Variants in MTR observed in about 807,000 individuals in gnomAD.
MTR encodes methionine synthase.
Under a neutral mutation model 154.8 loss-of-function variants are expected in MTR, and 84 were observed. The observed-to-expected ratio is 0.54, with a 90% confidence interval of 0.45 to 0.65. The LOEUF (loss-of-function observed/expected upper bound fraction) is 0.65, where lower values mean the gene tolerates loss of function less well. Ranked by LOEUF, MTR falls within the 30% of genes least tolerant of loss-of-function variation. MTR has a pLI of 0.00. For missense variants in MTR, 1,275 were observed against 1,570.2 expected, an observed-to-expected ratio of 0.81 and a Z score of 3.18; for synonymous variants, 554 against 553.9, an observed-to-expected ratio of 1.00 and a Z score of 0.00.
At chr1:236,856,612 A>G (rs1028929261) in intron 18 of MTR, among the ~76,000 whole-genome samples, 4 of 151,470 alleles carry the variant, frequency 2.6e-5, no homozygotes, top group African/African-American at 4.9e-5. Flanking sequence ...TACACATGCT[A>G]TGGTGGTTTG....
Position 236,816,429 on chromosome 1 carries a change from T to G in MTR, c.670-20T>G, listed in dbSNP as rs187410696. 15 of 1,604,632 alleles carry G rather than the reference T, an allele frequency of 9.3e-6. No individual in the cohort carries two copies. In the African/African-American group the frequency reaches 9.4e-5, roughly 10 times the overall value. On this transcript the variant is annotated intron_variant, in intron 7 of 32. Transcript: ENST00000366577. ...TAACTTGAGTCTGTATTGTTGACTT[T>G]GTTTACTTTGTCAATTCAGATTTCA...
chr1:236,862,894 T>C (rs1664625124), intron 21 of MTR, among the ~76,000 whole-genome samples: 1 of 152,218 alleles, frequency 6.6e-6, no homozygotes, highest in Non-Finnish European at 1.5e-5. Context: ...TCTGAATTTT[T>C]AAATTGATCT....
chr1:236,832,793 C>T (rs1253251648), intron 13 of MTR, among the ~76,000 whole-genome samples: 3 of 152,184 alleles, frequency 2.0e-5, no homozygotes, highest in Admixed American at 2.0e-4. Context: ...ATTTAGTTTT[C>T]ATAACAAGGA....
intron 22 of MTR, among the ~76,000 whole-genome samples, chr1:236,868,391 G>A (rs551389098): frequency 1.2e-4 from 18 of 152,128 alleles, no homozygotes; most frequent in African/African-American, 3.6e-4. Context: ...ACTTTTATAT[G>A]CATTGAGAAA....
At chr1:236,811,608 C>G (rs1363502830) in intron 5 of MTR, 1 of 456,128 alleles carries the variant, frequency 2.2e-6, no homozygotes, top group East Asian at 7.0e-5. Context: ...GTTGTTCATA[C>G]CAGGCTTATG....
intron 31 of MTR, among the ~76,000 whole-genome samples, chr1:236,896,538 G>C (rs1572351552): frequency 6.6e-6 from 1 of 152,358 alleles, no homozygotes; most frequent in East Asian, 1.9e-4. Context: ...TGAGCTCTCA[G>C]ATCCCAAGGA....
intron 29 of MTR, 126 bp downstream of exon 29, chr1:236,891,455 A>C (rs1221681045): frequency 4.9e-6 from 5 of 1,024,550 alleles, no homozygotes; most frequent in Non-Finnish European, 5.9e-6. Context: ...CATGCCCAAG[A>C]AGTGACCAGT....
rs772704714 is a variant in MTR, at chr1:236,880,855, A to G, written c.2676+19A>G. On this transcript the variant is annotated intron_variant, in intron 25 of 32. Coordinates refer to ENST00000366577, the MANE Select transcript of MTR (RefSeq NM_000254.3). ...GGTGGTGGTAAGTGGGTGACCTTAC[A>G]TTTTATTCCAGATGTGTTGGAAAGC... is the stretch of plus-strand genomic sequence containing the variant. The G allele has an allele frequency of 3.1e-6, 5 of 1,603,882 alleles. No individual in the cohort carries two copies. Among genetic ancestry groups the G allele is most frequent in the South Asian group, 1.1e-5 (1 of 90,902 alleles).
At chr1:236,832,931 C>T (rs1662698648) in intron 13 of MTR, among the ~76,000 whole-genome samples, 1 of 152,202 alleles carries the variant, frequency 6.6e-6, no homozygotes, top group Non-Finnish European at 1.5e-5. Flanking sequence ...TCACCACTTC[C>T]TCTGTTGGTC....
At chr1:236,798,524 A>T (rs568149203) in intron 1 of MTR, among the ~76,000 whole-genome samples, 56 of 152,216 alleles carry the variant, frequency 3.7e-4, no homozygotes, top group Non-Finnish European at 7.8e-4. Flanking sequence ...GGCTAAATCC[A>T]CTCAAAACTG....
intron 22 of MTR, 123 bp downstream of exon 22, chr1:236,863,677 T>A (rs1362363847): frequency 1.2e-6 from 1 of 865,470 alleles, no homozygotes; most frequent in Non-Finnish European, 1.9e-6. Context: ...GGTTATTTTT[T>A]ATTTCTTTTT....
intron 15 of MTR, among the ~76,000 whole-genome samples, chr1:236,849,145 C>A (rs577703619): frequency 6.6e-6 from 1 of 152,164 alleles, no homozygotes; most frequent in South Asian, 2.1e-4. Flanking sequence ...TTGGTGAATA[C>A]CCTGTGTTGA....
intron 28 of MTR, among the ~76,000 whole-genome samples, chr1:236,890,297 C>T (rs1329348141): frequency 6.6e-6 from 1 of 152,180 alleles, no homozygotes; most frequent in East Asian, 1.9e-4. Context: ...ACAGGCTTCT[C>T]ACCATGGGCA....
In MTR at chr1:236,853,099, A is replaced by C. The variant is rs1303129479; in HGVS notation, c.1953+11A>C. The C allele has an allele frequency of 3.7e-6, 6 of 1,613,648 alleles. No individual in the cohort carries two copies. In the South Asian group the frequency reaches 6.6e-5, roughly 18 times the overall value. ...TTACGTTATGCCCAGGTAGAGAGACAAGTGTTCTAATAGATGGATTTTTCC... is the reference window on the plus strand; with the variant it reads ...TTACGTTATGCCCAGGTAGAGAGACCAGTGTTCTAATAGATGGATTTTTCC... On this transcript the variant is annotated intron_variant, in intron 18 of 32. Coordinates refer to ENST00000366577, the MANE Select transcript of MTR (RefSeq NM_000254.3).
At chr1:236,807,864 G>A (rs1661074920) in intron 3 of MTR, among the ~76,000 whole-genome samples, 1 of 152,160 alleles carries the variant, frequency 6.6e-6, no homozygotes, top group African/African-American at 2.4e-5. Flanking sequence ...ACTCCATCAT[G>A]TAGTGTGGAA....
At chr1:236,888,704 G>A (rs962163036) in intron 27 of MTR, among the ~76,000 whole-genome samples, 1 of 152,194 alleles carries the variant, frequency 6.6e-6, no homozygotes, top group African/African-American at 2.4e-5. Flanking sequence ...AAGCACAGCA[G>A]TCCTGAATTT....
In MTR at chr1:236,889,159, C is replaced by T. The variant is rs756563972; in HGVS notation, c.2852-22C>T. On this transcript the variant is annotated intron_variant, in intron 27 of 32. Transcript: ENST00000366577. ...GGCAGGGTGCCAGCGTCAGCATTGA[C>T]AACCATACTTCTCTCCTGTAGTGAA... 32 of 1,613,896 alleles carry T rather than the reference C, an allele frequency of 2.0e-5. No homozygotes were observed. In the East Asian group the frequency reaches 4.9e-4, roughly 25 times the overall value.
At chr1:236,859,719 G>C in intron 18 of MTR, 114 bp from the exon 19 acceptor site, 1 of 822,892 alleles carries the variant, frequency 1.2e-6, no homozygotes, top group South Asian at 1.4e-5. Context: ...CTAGGGGCTG[G>C]AAAAGTAAAA....
intron 18 of MTR, among the ~76,000 whole-genome samples, chr1:236,859,155 T>TATGG (rs1235747070): frequency 6.6e-6 from 1 of 152,170 alleles, no homozygotes; most frequent in Non-Finnish European, 1.5e-5. Flanking sequence ...AATCCAAGAG[T>TATGG]ATGGCCTTGG....
Sources: allele counts gnomAD v4.1 joint callset (sites outside exome capture counted in the v4.1 genomes callset), GRCh38; gene constraint gnomAD v4.1.1; transcripts MANE v1.5; gene names NCBI Gene and HGNC (gene_info 2026-07-23, HGNC 2026-07-21).